EPHB2: variants seen among roughly 807,000 people sequenced by gnomAD.
The protein encoded by EPHB2 is EPH receptor B2.
A neutral mutation model predicts 96.4 loss-of-function variants in EPHB2; 18 were observed. The observed-to-expected ratio is 0.19, with a 90% confidence interval of 0.13 to 0.28. The LOEUF (loss-of-function observed/expected upper bound fraction) is 0.28. Among genes scored for constraint, EPHB2 ranks in the 10% least tolerant of loss-of-function variants. EPHB2 has a pLI of 1.00. For missense variants in EPHB2, 989 were observed against 1,355.4 expected (o/e 0.73, Z 4.25); for synonymous variants, 506 against 534.1 (o/e 0.95, Z 0.72).
intron 6 of EPHB2, among the ~76,000 whole-genome samples, chr1:22,883,702 G>A (rs1639124379): frequency 1.3e-5 from 2 of 152,154 alleles, no homozygotes; most frequent in South Asian, 4.1e-4. Flanking sequence ...TGCTGGATCG[G>A]CTAACCAGGC....
intron 1 of EPHB2, among the ~76,000 whole-genome samples, chr1:22,730,227 G>A (rs1383846929): frequency 3.3e-5 from 5 of 152,260 alleles, no homozygotes; most frequent in Admixed American, 1.3e-4. Flanking sequence ...AGCCAGGGGC[G>A]GAGGCGGGGG....
chr1:22,758,851 C>A (rs1448037181), intron 1 of EPHB2, among the ~76,000 whole-genome samples: 1 of 141,516 alleles, frequency 7.1e-6, no homozygotes, highest in Non-Finnish European at 1.5e-5. Flanking sequence ...GGGGCCCAGC[C>A]AGGTCCTGGT....
At chr1:22,802,241 C>G (rs569348112) in intron 3 of EPHB2, among the ~76,000 whole-genome samples, 1 of 152,156 alleles carries the variant, frequency 6.6e-6, no homozygotes, top group Admixed American at 6.5e-5. Flanking sequence ...ATTTGGTTCC[C>G]CATTTGAGGG....
At chr1:22,713,991 C>T (rs1022197562) in intron 1 of EPHB2, among the ~76,000 whole-genome samples, 1 of 152,204 alleles carries the variant, frequency 6.6e-6, no homozygotes, top group African/African-American at 2.4e-5. Flanking sequence ...GACAGGAGGC[C>T]GGTGGCAGAC....
In EPHB2 at chr1:22,784,609, A is replaced by T. The variant is rs1557672162; in HGVS notation, c.344A>T (p.Tyr115Phe). 1 of 1,614,070 alleles carries T rather than the reference A, an allele frequency of 6.2e-7. No individual in the cohort carries two copies. The highest frequency in any genetic ancestry group is 8.5e-7 in the Non-Finnish European group (1 of 1,179,994). The change falls in exon 3 of 16, where the codon TAC becomes TTC. Residue 115 changes from tyrosine (Y) to phenylalanine (F), a missense_variant. Tyr to Phe is a conservative substitution (Grantham distance 22, BLOSUM62 3). Coordinates refer to ENST00000374630, the MANE Select transcript of EPHB2 (RefSeq NM_017449.5). This position sits in a 1 kb window ranked among gnomAD's most constrained non-coding sequence, Gnocchi z 5.1. ...GSCKETFNLY[Y>F]YEADFDSATK... ...TGCAAGGAGACCTTCAACCTCTATTACTATGAGGCTGACTTTGACTCGGCC... is the reference window on the plus strand; with the variant it reads ...TGCAAGGAGACCTTCAACCTCTATTTCTATGAGGCTGACTTTGACTCGGCC...
At chr1:22,738,591 G>A (rs925776884) in intron 1 of EPHB2, among the ~76,000 whole-genome samples, 3 of 152,210 alleles carry the variant, frequency 2.0e-5, no homozygotes, top group Non-Finnish European at 4.4e-5. Context: ...GATAACTTCC[G>A]TGTGCTTTCC....
intron 1 of EPHB2, among the ~76,000 whole-genome samples, chr1:22,754,908 G>A (rs776116204): frequency 1.2e-4 from 7 of 58,470 alleles, no homozygotes; most frequent in South Asian, 8.0e-4. Flanking sequence ...AGGAGGTGAG[G>A]CGAGGGGCAG....
intron 5 of EPHB2, among the ~76,000 whole-genome samples, chr1:22,881,222 G>A (rs1639033245): frequency 6.6e-6 from 1 of 152,132 alleles, no homozygotes; most frequent in Non-Finnish European, 1.5e-5. Context: ...CCAACATGGT[G>A]AAACTCTGTC....
intron 9 of EPHB2, among the ~76,000 whole-genome samples, chr1:22,905,234 A>AAAT (rs927980176): frequency 1.3e-5 from 2 of 152,206 alleles, no homozygotes; most frequent in Non-Finnish European, 2.9e-5. Context: ...GGAGAACAAA[A>AAAT]AATAATAATA....
rs933915030 is a variant in EPHB2 at position 22,758,954 on chromosome 1, T to TGATGGATG, written c.62-22447_62-22440dup. Among the ~76,000 whole-genome samples the TGATGGATG allele has an allele frequency of 1.2e-4, 18 of 149,946 alleles. No homozygotes were observed. In the South Asian group the frequency reaches 3.0e-3, roughly 25 times the overall value. ...GTGGGTGGATGAATGGATGGATGGA[T>TGATGGATG]GATGGATGGATGGATGGATGGATGG... On this transcript the variant is annotated intron_variant, in intron 1 of 15. Transcript: ENST00000374630.
intron 3 of EPHB2, among the ~76,000 whole-genome samples, chr1:22,792,342 C>T (rs923407235): frequency 6.6e-6 from 1 of 152,124 alleles, no homozygotes; most frequent in African/African-American, 2.4e-5. Flanking sequence ...TCTGCTGCTT[C>T]TCTTCAAGGA....
intron 8 of EPHB2, 93 bp from the exon 9 acceptor site, chr1:22,896,321 A>C: frequency 6.5e-7 from 1 of 1,548,862 alleles, no homozygotes. Context: ...TGTGGCTTCT[A>C]GGGCCTGCCC....
At chr1:22,722,190 T>A (rs1335845089) in intron 1 of EPHB2, among the ~76,000 whole-genome samples, 2 of 151,682 alleles carry the variant, frequency 1.3e-5, no homozygotes, top group African/African-American at 4.8e-5. Flanking sequence ...AGAGACGGAG[T>A]CTTGCCATGT....
At chr1:22,811,946 G>GGTGGATCACTT (rs1247291553) in intron 3 of EPHB2, among the ~76,000 whole-genome samples, 1 of 152,222 alleles carries the variant, frequency 6.6e-6, no homozygotes. Context: ...GGCTGAGGTA[G>GGTGGATCACTT]GTGGATCACT....
chr1:22,744,460 T>TTATA (rs147549580), intron 1 of EPHB2, among the ~76,000 whole-genome samples: 112 of 146,928 alleles, frequency 7.6e-4, no homozygotes, highest in Non-Finnish European at 1.2e-3. Context: ...ATTTTGTATG[T>TTATA]TATATATATA....
At chr1:22,749,814 G>C (rs893027385) in intron 1 of EPHB2, among the ~76,000 whole-genome samples, 1 of 152,210 alleles carries the variant, frequency 6.6e-6, no homozygotes, top group Non-Finnish European at 1.5e-5. Context: ...ACTGAGATGA[G>C]TCAGCTGGTC....
chr1:22,879,113 G>A (rs1439859823), intron 5 of EPHB2, among the ~76,000 whole-genome samples: 1 of 152,178 alleles, frequency 6.6e-6, no homozygotes, highest in East Asian at 1.9e-4. Flanking sequence ...GCCCCTGGAG[G>A]CAGGGGTGGG....
intron 3 of EPHB2, among the ~76,000 whole-genome samples, chr1:22,845,729 C>T (rs971593337): frequency 6.6e-6 from 1 of 152,142 alleles, no homozygotes; most frequent in African/African-American, 2.4e-5. Flanking sequence ...CACCCACACA[C>T]ACACGTACAC....
rs1456238431 is a variant in EPHB2, at chr1:22,846,602, C to A, written c.812-16435C>A. Among the ~76,000 whole-genome samples, 1 of 152,272 alleles carries A rather than the reference C, an allele frequency of 6.6e-6. No individual in the cohort carries two copies. Among genetic ancestry groups the A allele is most frequent in the Non-Finnish European group, 1.5e-5 (1 of 68,020 alleles). On this transcript the variant is annotated intron_variant, in intron 3 of 15. Coordinates refer to ENST00000374630, the MANE Select transcript of EPHB2 (RefSeq NM_017449.5). This position sits in a 1 kb window ranked among gnomAD's most constrained non-coding sequence, Gnocchi z 4.3. ...AGGCGGCTTGTTGCCTCTCCAGCCTCGTGTCCTGCATCTCTGCAACCATAG... is the reference window on the plus strand; with the variant it reads ...AGGCGGCTTGTTGCCTCTCCAGCCTAGTGTCCTGCATCTCTGCAACCATAG...
Sources: gnomAD v4.1 joint callset for allele counts (sites outside exome capture counted in the v4.1 genomes callset) on GRCh38, gnomAD v4.1.1 for gene constraint, Gnocchi (gnomAD v3.1) non-coding constraint, MANE v1.5 for transcripts, NCBI Gene and HGNC (gene_info 2026-07-23, HGNC 2026-07-21) for gene names.